NCOA1: variants seen among roughly 807,000 people sequenced by gnomAD.
NCOA1 encodes the protein Hin-2 protein.
Under a neutral mutation model 150.9 loss-of-function variants are expected in NCOA1, and 35 were observed. The observed-to-expected ratio is 0.23, with a 90% CI of 0.18 to 0.31. The LOEUF (loss-of-function observed/expected upper bound fraction) is 0.31. Among genes scored for constraint, NCOA1 ranks in the 10% least tolerant of loss-of-function variants. The pLI, the probability that NCOA1 is intolerant of heterozygous loss-of-function variation, is 1.00. For missense variants in NCOA1, 1,491 were observed against 1,749.3 expected (o/e 0.85, Z 2.63); for synonymous variants, 590 against 630.0 (o/e 0.94, Z 0.95).
At position 24,665,925 on chromosome 2, in the gene NCOA1, A is replaced by G; in HGVS notation, c.256+10A>G. ...AAGAGAATGGAACAAGGTAAAAAAG[A>G]AAAAGAAAACCCATGGCTGTGTGCT... On this transcript the variant is annotated intron_variant, in intron 6 of 22. Coordinates refer to ENST00000348332, the MANE Select transcript of NCOA1 (RefSeq NM_003743.5). 1.4e-6 allele frequency: 2 copies of G among 1,423,236 alleles called. No individual in the cohort carries two copies. The highest frequency in any genetic ancestry group is 1.8e-6 in the Non-Finnish European group (2 of 1,081,452). 88.2% of individuals were successfully genotyped at this position (1,423,236 alleles called of 1,614,324 possible).
chr2:24,569,298 A>G (rs757605686), intron 2 of NCOA1, among the ~76,000 whole-genome samples: 37 of 152,212 alleles, frequency 2.4e-4, no homozygotes, highest in Non-Finnish European at 4.4e-4. Flanking sequence ...CATGTTTGTT[A>G]ATTAGTTTTT....
chr2:24,757,067 T>G (rs972243165), intron 20 of NCOA1, among the ~76,000 whole-genome samples: 4 of 152,228 alleles, frequency 2.6e-5, no homozygotes, highest in Non-Finnish European at 5.9e-5. Flanking sequence ...TCTTAATTTG[T>G]AGCATATTGA....
intron 9 of NCOA1, among the ~76,000 whole-genome samples, chr2:24,693,002 A>G (rs1292417623): frequency 1.3e-5 from 2 of 152,144 alleles, no homozygotes; most frequent in African/African-American, 4.8e-5. Flanking sequence ...CGGGGACTGC[A>G]GGCGCCCGCC....
At chr2:24,573,081 A>T (rs1454774102) in intron 2 of NCOA1, among the ~76,000 whole-genome samples, 6 of 152,174 alleles carry the variant, frequency 3.9e-5, no homozygotes, top group African/African-American at 1.4e-4. Context: ...TTTTGTTATC[A>T]GTTACTTGGT....
At chr2:24,493,370 A>T (rs1181238242) in intron 1 of NCOA1, among the ~76,000 whole-genome samples, 1 of 152,340 alleles carries the variant, frequency 6.6e-6, no homozygotes, top group South Asian at 2.1e-4. Context: ...GAGAAAATAG[A>T]GGACTGCTGC....
At chr2:24,512,199 A>G (rs1663962990) in intron 1 of NCOA1, among the ~76,000 whole-genome samples, 1 of 152,188 alleles carries the variant, frequency 6.6e-6, no homozygotes, top group Non-Finnish European at 1.5e-5. Context: ...ACAGTTTTAG[A>G]GGTGGTTAGT....
intron 19 of NCOA1, among the ~76,000 whole-genome samples, chr2:24,743,402 C>T (rs1312541340): frequency 1.3e-5 from 2 of 152,198 alleles, no homozygotes; most frequent in Admixed American, 1.3e-4. Flanking sequence ...TATCTAAAGA[C>T]TTGTGCCAGA....
At chr2:24,665,233 TTGAA>T (rs550281387) in intron 5 of NCOA1, among the ~76,000 whole-genome samples, 69 of 152,344 alleles carry the variant, frequency 4.5e-4, no homozygotes, top group African/African-American at 1.7e-3. Context: ...TATTTTGCCT[TTGAA>T]TGGATACTTT....
chr2:24,751,585 G>C (rs1478722219), intron 19 of NCOA1, among the ~76,000 whole-genome samples: 1 of 147,286 alleles, frequency 6.8e-6, no homozygotes, highest in Non-Finnish European at 1.5e-5. Flanking sequence ...TCCATCTCGG[G>C]GGAAAAAAAA....
intron 1 of NCOA1, among the ~76,000 whole-genome samples, chr2:24,508,358 G>T (rs1395282748): frequency 2.0e-5 from 3 of 151,946 alleles, no homozygotes; most frequent in Non-Finnish European, 2.9e-5. Context: ...TATAGCATAG[G>T]CAGAGTAAAG....
intron 7 of NCOA1, among the ~76,000 whole-genome samples, chr2:24,676,746 A>G (rs1339895058): frequency 2.6e-5 from 4 of 152,236 alleles, no homozygotes; most frequent in Non-Finnish European, 5.9e-5. Flanking sequence ...AAATGATATT[A>G]GAGATTAAAG....
chr2:24,519,326 G>A (rs1323225757), intron 1 of NCOA1, among the ~76,000 whole-genome samples: 1 of 152,142 alleles, frequency 6.6e-6, no homozygotes, highest in African/African-American at 2.4e-5. Flanking sequence ...CTATAGAGTG[G>A]TCTCTATAGA....
chr2:24,663,194 A>T (rs1415923606), intron 5 of NCOA1, among the ~76,000 whole-genome samples: 3 of 152,042 alleles, frequency 2.0e-5, no homozygotes, highest in Non-Finnish European at 2.9e-5. Context: ...TCTTATCTAT[A>T]GTTTAGCTAT....
At chr2:24,568,714 T>C (rs1572429548) in intron 2 of NCOA1, among the ~76,000 whole-genome samples, 1 of 152,234 alleles carries the variant, frequency 6.6e-6, no homozygotes, top group African/African-American at 2.4e-5. Flanking sequence ...TCAAAGTTAA[T>C]AGCAAATATT....
chr2:24,551,642 T>TCA (rs1665835602), intron 1 of NCOA1, among the ~76,000 whole-genome samples: 1 of 152,218 alleles, frequency 6.6e-6, no homozygotes, highest in Admixed American at 6.5e-5. Context: ...ATGGCTGCTT[T>TCA]CATGCTACAA....
intron 12 of NCOA1, 63 bp downstream of exon 12, chr2:24,705,296 A>AT (rs1673363870): frequency 1.3e-6 from 2 of 1,519,296 alleles, no homozygotes; most frequent in Non-Finnish European, 9.0e-7. Flanking sequence ...TATTAGAGAA[A>AT]TTTTTTATAC....
In NCOA1 at chr2:24,638,845, ATTG is replaced by A. The variant is rs200948958; in HGVS notation, c.-174-5105_-174-5103del. ...ATTATTTGCCCATTTTTAAAATCAG[ATTG>A]TTGTTGTTGTTGTTGCTGTTGAGAT... On this transcript the variant is annotated intron_variant, in intron 3 of 22. Transcript: ENST00000348332. Among the ~76,000 whole-genome samples, 834 of 151,992 alleles carry A rather than the reference ATTG, an allele frequency of 5.5e-3. 8 individuals are homozygous for A. The highest frequency in any genetic ancestry group is 0.019 in the African/African-American group (789 of 41,470).
chr2:24,525,477 C>T (rs1664614121), intron 1 of NCOA1, among the ~76,000 whole-genome samples: 1 of 151,884 alleles, frequency 6.6e-6, no homozygotes, highest in African/African-American at 2.4e-5. Flanking sequence ...TATTTGATCT[C>T]ACTTCTACTT....
intron 1 of NCOA1, among the ~76,000 whole-genome samples, chr2:24,531,362 G>A (rs1329123376): frequency 6.6e-6 from 1 of 152,062 alleles, no homozygotes; most frequent in African/African-American, 2.4e-5. Context: ...TAAAGAAAAT[G>A]TGGCATATAC....
Sources: allele counts gnomAD v4.1 joint callset (sites outside exome capture counted in the v4.1 genomes callset), GRCh38; gene constraint gnomAD v4.1.1; transcripts MANE v1.5; gene names NCBI Gene and HGNC (gene_info 2026-07-23, HGNC 2026-07-21).